Variants in LMBR1 observed in about 807,000 individuals in gnomAD.
LMBR1 encodes limb development membrane protein 1, also known as limb region 1 protein homolog.
In LMBR1, 52 loss-of-function variants were observed where a neutral mutation model predicts 73.9. The observed-to-expected ratio is 0.70, with a 90% CI of 0.56 to 0.89. The LOEUF (loss-of-function observed/expected upper bound fraction) is 0.89, where lower values mean the gene tolerates loss of function less well. Ranked by LOEUF, LMBR1 falls within the 40% of genes least tolerant of loss-of-function variation. The probability of loss-of-function intolerance (pLI) is 0.00; values close to 1 mark genes in which losing one functional copy is unlikely to be tolerated. For missense variants in LMBR1, 539 were observed against 579.8 expected, an observed-to-expected ratio of 0.93 and a Z score of 0.72; for synonymous variants, 215 against 209.4, an observed-to-expected ratio of 1.03 and a Z score of -0.23.
rs575004729 is a variant in LMBR1, at chr7:156,829,524, A to G, written c.180-2780T>C. Among the ~76,000 whole-genome samples, 4 of 151,794 alleles carry G rather than the reference A, an allele frequency of 2.6e-5. No homozygotes were observed. In the South Asian group the frequency reaches 8.3e-4, roughly 31 times the overall value. ...AGTAAACGCTTCCTGCGGCCTCACC[A>G]GAAGCCAAGCAGATGGCAGTGTCAT... On this transcript the variant is annotated intron_variant, in intron 3 of 16. Coordinates refer to ENST00000353442, the MANE Select transcript of LMBR1 (RefSeq NM_022458.4).
At chr7:156,817,516 CAGAGACAGACAGAGAGACAG>C (rs1834106337) in intron 4 of LMBR1, among the ~76,000 whole-genome samples, 3 of 66,392 alleles carry the variant, frequency 4.5e-5, no homozygotes, top group Non-Finnish European at 9.8e-5. Context: ...GAGAGAGAGA[CAGAGACAGACAGAGAGACAG>C]AGACAGACAG....
intron 5 of LMBR1, among the ~76,000 whole-genome samples, chr7:156,790,874 A>C (rs1219603931): frequency 1.3e-5 from 2 of 152,196 alleles, no homozygotes; most frequent in African/African-American, 4.8e-5. Context: ...GATGTTTCAA[A>C]TGCTCACTTT....
chr7:156,680,403 A>AGAGAGAGAGTGTGTGTGTGT lies in LMBR1; in HGVS notation c.*3674_*3675insACACACACACACTCTCTCTC, dbSNP rs1343950098. 9 of 125,062 alleles carry AGAGAGAGAGTGTGTGTGTGT rather than the reference A, an allele frequency of 7.2e-5. No homozygotes were observed. Among genetic ancestry groups the AGAGAGAGAGTGTGTGTGTGT allele is most frequent in the African/African-American group, 1.8e-4 (6 of 32,554 alleles). 7.7% of individuals were successfully genotyped at this position (125,062 alleles called of 1,614,324 possible). ...GAGAGAGAGAGAGAGAGAGAGAGAG[A>AGAGAGAGAGTGTGTGTGTGT]GTGTGTGTGTGTGTGTGTGTGTAAT... On this transcript the variant is annotated 3_prime_UTR_variant, in exon 17 of 17. Coordinates refer to ENST00000353442, the MANE Select transcript of LMBR1 (RefSeq NM_022458.4).
At chr7:156,725,618 C>A in intron 13 of LMBR1, 93 bp from the exon 14 acceptor site, 2 of 1,231,054 alleles carry the variant, frequency 1.6e-6, no homozygotes, top group Non-Finnish European at 2.3e-6. Context: ...ATAGGAAAAG[C>A]AAAACAAAAA....
chr7:156,865,790 T>C (rs551773551), intron 1 of LMBR1, among the ~76,000 whole-genome samples: 38 of 152,334 alleles, frequency 2.5e-4, no homozygotes, highest in African/African-American at 8.2e-4. Flanking sequence ...TTATGGTCAA[T>C]TGATTTTCAA....
downstream of LMBR1, chr7:156,676,351 C>G: frequency 6.2e-7 from 1 of 1,613,568 alleles, no homozygotes; most frequent in Non-Finnish European, 8.5e-7. Context: ...GTTCGCATTT[C>G]AGTTTAAGTA....
At position 156,679,501 on chromosome 7, in the gene LMBR1, T is replaced by C. The variant is rs1178200402; in HGVS notation, c.*4577A>G. On this transcript the variant is annotated 3_prime_UTR_variant, in exon 17 of 17. Coordinates refer to ENST00000353442, the MANE Select transcript of LMBR1 (RefSeq NM_022458.4). ...TTAAAGAGAAGTTGCAGAATCAATA[T>C]AAATAGCTACAGCAGTATCAAATAT... The C allele has an allele frequency of 2.2e-5, 3 of 138,796 alleles. No homozygotes were observed. Among genetic ancestry groups the C allele is most frequent in the African/African-American group, 5.5e-5 (2 of 36,382 alleles). 8.6% of individuals were successfully genotyped at this position (138,796 alleles called of 1,614,324 possible).
intron 5 of LMBR1, among the ~76,000 whole-genome samples, chr7:156,775,732 T>C (rs935258028): frequency 6.6e-6 from 1 of 152,220 alleles, no homozygotes; most frequent in Non-Finnish European, 1.5e-5. Flanking sequence ...TGTGTATGAC[T>C]TATGTAGTAA....
At position 156,872,445 on chromosome 7, in the gene LMBR1, C is replaced by T. The variant is rs1024116281; in HGVS notation, c.66+20483G>A. On this transcript the variant is annotated intron_variant, in intron 1 of 16. Coordinates refer to ENST00000353442, the MANE Select transcript of LMBR1 (RefSeq NM_022458.4). ...GACGGATCACCTGAGGTCAGGAGTT[C>T]GAGACCACCCAGACCAACGTGGAGA... Among the ~76,000 whole-genome samples the T allele has an allele frequency of 4.6e-5, 7 of 151,962 alleles. No homozygotes were observed. The South Asian group carries it at 6.2e-4, about 14-fold the overall frequency.
chr7:156,837,494 C>G (rs773871647), intron 1 of LMBR1, among the ~76,000 whole-genome samples: 7 of 149,574 alleles, frequency 4.7e-5, no homozygotes, highest in Non-Finnish European at 7.4e-5. Flanking sequence ...TGTGAAGAAT[C>G]AGACCATCAC....
intron 9 of LMBR1, among the ~76,000 whole-genome samples, chr7:156,756,189 G>C (rs1457075109): frequency 6.6e-6 from 1 of 152,100 alleles, no homozygotes; most frequent in East Asian, 1.9e-4. Flanking sequence ...ATAAAGAATG[G>C]GTCCTGCTAG....
chr7:156,786,304 GAAGA>G (rs1414344446), intron 5 of LMBR1, among the ~76,000 whole-genome samples: 3 of 151,946 alleles, frequency 2.0e-5, no homozygotes, highest in African/African-American at 4.8e-5. Context: ...GGGGAAAAAA[GAAGA>G]AAAAGGTTAG....
chr7:156,698,495 A>C (rs181643919), intron 15 of LMBR1, among the ~76,000 whole-genome samples: 21 of 152,288 alleles, frequency 1.4e-4, no homozygotes, highest in African/African-American at 4.1e-4. Flanking sequence ...GTTTCCATAC[A>C]TCTTCTGAAA....
At chr7:156,829,505 C>T (rs1274412646) in intron 3 of LMBR1, among the ~76,000 whole-genome samples, 3 of 152,298 alleles carry the variant, frequency 2.0e-5, no homozygotes, top group East Asian at 1.9e-4. Flanking sequence ...CATGAGTAAA[C>T]GCTTCCTGCG....
intron 4 of LMBR1, among the ~76,000 whole-genome samples, chr7:156,798,168 T>C (rs1341231372): frequency 6.6e-6 from 1 of 152,210 alleles, no homozygotes; most frequent in Non-Finnish European, 1.5e-5. Context: ...AGGTTCTTCA[T>C]CTATCAAATA....
intron 10 of LMBR1, among the ~76,000 whole-genome samples, chr7:156,733,532 G>A (rs1355484796): frequency 6.6e-6 from 1 of 152,018 alleles, no homozygotes; most frequent in Non-Finnish European, 1.5e-5. Context: ...ACCACTAGAT[G>A]AGATTAAAGG....
downstream of LMBR1, chr7:156,675,777 G>A (rs1803804456): frequency 6.2e-7 from 1 of 1,613,938 alleles, no homozygotes; most frequent in Admixed American, 1.7e-5. Context: ...TCAGTGCTTG[G>A]CCATAAATCG....
chr7:156,879,772 C>G (rs1325915400), intron 1 of LMBR1, among the ~76,000 whole-genome samples: 3 of 151,590 alleles, frequency 2.0e-5, no homozygotes, highest in Non-Finnish European at 4.4e-5. Context: ...TACTAATGAT[C>G]AGGGAAAAGC....
At chr7:156,687,467 C>T (rs1806223339) in intron 16 of LMBR1, among the ~76,000 whole-genome samples, 1 of 152,168 alleles carries the variant, frequency 6.6e-6, no homozygotes, top group Admixed American at 6.5e-5. Context: ...TTTAGCTAAA[C>T]CTACCCGTTT....
Sources: gnomAD v4.1 joint callset for allele counts (sites outside exome capture counted in the v4.1 genomes callset) on GRCh38, gnomAD v4.1.1 for gene constraint, MANE v1.5 for transcripts, NCBI Gene and HGNC (gene_info 2026-07-23, HGNC 2026-07-21) for gene names.